ST3GAL6: variants seen among roughly 807,000 people sequenced by gnomAD.
ST3GAL6 encodes ST3 beta-galactoside alpha-2,3-sialyltransferase 6.
A neutral mutation model predicts 40.5 loss-of-function variants in ST3GAL6; 31 were observed. That is an observed-to-expected ratio of 0.77 (90% CI 0.58 to 1.03). ST3GAL6 has a LOEUF of 1.03. Among genes scored for constraint, ST3GAL6 ranks in the 50% least tolerant of loss-of-function variants. The pLI is 0.00. For synonymous variants in ST3GAL6, 129 were observed against 136.9 expected, an observed-to-expected ratio of 0.94 and a Z score of 0.40; for missense variants, 357 against 393.2, an observed-to-expected ratio of 0.91 and a Z score of 0.78.
intron 1 of ST3GAL6, among the ~76,000 whole-genome samples, chr3:98,753,795 C>T (rs1295161547): frequency 6.6e-6 from 1 of 152,194 alleles, no homozygotes; most frequent in Non-Finnish European, 1.5e-5. Context: ...GAGAACCCAT[C>T]TATTAAAAAA....
Position 98,795,285 on chromosome 3 carries a change from C to T in ST3GAL6, c.*1524C>T, listed in dbSNP as rs1269857618. ...GCTTGATTACTGACAACCAACCTGC[C>T]TCTCTAAAGAGGGTGTATAAAGGGT... On this transcript the variant is annotated 3_prime_UTR_variant, in exon 10 of 10. Transcript: ENST00000483910. 2 of 152,186 alleles carry T rather than the reference C, an allele frequency of 1.3e-5. No homozygotes were observed. The highest frequency in any genetic ancestry group is 2.4e-5 in the African/African-American group (1 of 41,430). The allele number at this position is 152,186 out of a possible 1,614,324, so 9.4% of individuals were successfully genotyped here. A position where few individuals can be genotyped will look rare whatever the true frequency, so the allele number is the denominator to read the frequency against.
intron 1 of ST3GAL6, among the ~76,000 whole-genome samples, chr3:98,735,229 G>C (rs1025276396): frequency 6.6e-6 from 1 of 152,140 alleles, no homozygotes; most frequent in Non-Finnish European, 1.5e-5. Context: ...TCACATAAAG[G>C]TTTGACTCTA....
chr3:98,776,895 T>C (rs1939603212), intron 5 of ST3GAL6, among the ~76,000 whole-genome samples: 1 of 152,240 alleles, frequency 6.6e-6, no homozygotes, highest in Non-Finnish European at 1.5e-5. Flanking sequence ...TCAGTTGGGA[T>C]AGATTCCACT....
At chr3:98,744,596 T>A (rs1033443479) in intron 1 of ST3GAL6, among the ~76,000 whole-genome samples, 5 of 152,236 alleles carry the variant, frequency 3.3e-5, no homozygotes, top group African/African-American at 1.2e-4. Context: ...GTTTGCTTCC[T>A]GACATGCTCC....
At chr3:98,764,748 ACTT>A (rs1938151177) in intron 1 of ST3GAL6, among the ~76,000 whole-genome samples, 1 of 152,178 alleles carries the variant, frequency 6.6e-6, no homozygotes, top group African/African-American at 2.4e-5. Flanking sequence ...TAAGTCTACC[ACTT>A]CTTTTGCAAG....
chr3:98,743,559 T>C (rs1385202433), intron 1 of ST3GAL6, among the ~76,000 whole-genome samples: 2 of 152,152 alleles, frequency 1.3e-5, no homozygotes, highest in African/African-American at 4.8e-5. Flanking sequence ...TGTAAAGTTT[T>C]TATGGAAATA....
At chr3:98,780,019 G>A (rs556876538) in intron 5 of ST3GAL6, among the ~76,000 whole-genome samples, 7 of 152,300 alleles carry the variant, frequency 4.6e-5, no homozygotes, top group African/African-American at 1.7e-4. Context: ...AATTAAATAT[G>A]TGAAGTTTTA....
chr3:98,775,005 T>C (rs183570620), intron 5 of ST3GAL6, among the ~76,000 whole-genome samples: 1 of 152,330 alleles, frequency 6.6e-6, no homozygotes, highest in Non-Finnish European at 1.5e-5. Context: ...TAGCTCTGAT[T>C]TGTAGAATAT....
intron 5 of ST3GAL6, among the ~76,000 whole-genome samples, chr3:98,777,811 G>A (rs996758903): frequency 1.3e-5 from 2 of 152,130 alleles, no homozygotes; most frequent in African/African-American, 4.8e-5. Context: ...CCAACATAAG[G>A]TGACTAAGTT....
intron 1 of ST3GAL6, among the ~76,000 whole-genome samples, chr3:98,737,223 AT>A (rs946157035): frequency 6.6e-6 from 1 of 151,540 alleles, no homozygotes; most frequent in Non-Finnish European, 1.5e-5. Flanking sequence ...TATTTTCTGT[AT>A]TTTTTTTGTA....
rs192204560 is a variant in ST3GAL6 at position 98,785,379 on chromosome 3, A to G, written c.431+339A>G. ...GCCATACATAATTTAAAAAGGATAT[A>G]ACAGAGAATCTTTGAATGGCTCCTT... On this transcript the variant is annotated intron_variant, in intron 6 of 9. Transcript: ENST00000483910. Among the ~76,000 whole-genome samples the G allele has an allele frequency of 3.3e-5, 5 of 152,342 alleles. No homozygotes were observed. In the East Asian group the frequency reaches 7.7e-4, roughly 23 times the overall value.
chr3:98,781,784 A>G (rs1576116134), intron 5 of ST3GAL6, among the ~76,000 whole-genome samples: 1 of 152,210 alleles, frequency 6.6e-6, no homozygotes, highest in Non-Finnish European at 1.5e-5. Flanking sequence ...GATACCATCT[A>G]TAGATATTCC....
chr3:98,736,583 G>C lies in ST3GAL6; in HGVS notation c.-12+4051G>C, dbSNP rs115600844. 4.3e-3 allele frequency among the ~76,000 whole-genome samples: 656 copies of C among 152,278 alleles called. 9 individuals are homozygous for C. The highest frequency in any genetic ancestry group is 0.015 in the African/African-American group (618 of 41,562). ...GAAAGATGGGGGCAACAAGGGAGCA[G>C]AAAGTGTTTTTTTCAGTGGACTTTG... On this transcript the variant is annotated intron_variant, in intron 1 of 9. Coordinates refer to the ST3GAL6 transcript ENST00000265261.
chr3:98,742,740 C>T (rs189813626), intron 1 of ST3GAL6, among the ~76,000 whole-genome samples: 22 of 150,256 alleles, frequency 1.5e-4, no homozygotes, highest in Admixed American at 3.3e-4. Flanking sequence ...CTCTTGTTGC[C>T]CAGGCAAGAG....
chr3:98,783,371 C>A, intron 5 of ST3GAL6: 1 of 167,904 alleles, frequency 6.0e-6, no homozygotes, highest in Non-Finnish European at 1.2e-5. Flanking sequence ...TTAACTGACT[C>A]ACACTGACTG....
chr3:98,733,647 A>T, intron 1 of ST3GAL6: 2 of 979,000 alleles, frequency 2.0e-6, no homozygotes, highest in Non-Finnish European at 2.4e-6. Context: ...GGGAGAAGCA[A>T]CTTGTCATTT....
intron 1 of ST3GAL6, among the ~76,000 whole-genome samples, chr3:98,767,664 C>G (rs1297257949): frequency 2.0e-5 from 3 of 152,086 alleles, no homozygotes; most frequent in Non-Finnish European, 4.4e-5. Flanking sequence ...TTCCTTTTTT[C>G]CTTTGAAGCA....
intron 2 of ST3GAL6, among the ~76,000 whole-genome samples, chr3:98,770,200 G>C (rs985057022): frequency 1.1e-4 from 17 of 152,124 alleles, no homozygotes; most frequent in African/African-American, 3.4e-4. Flanking sequence ...GTATTAAGCT[G>C]TTTTCCTCTT....
At chr3:98,765,843 T>TC (rs1938262593) in intron 1 of ST3GAL6, among the ~76,000 whole-genome samples, 1 of 152,240 alleles carries the variant, frequency 6.6e-6, no homozygotes, top group Non-Finnish European at 1.5e-5. Context: ...TCTTAAATTC[T>TC]GTTTTTTTCT....
Sources: allele counts gnomAD v4.1 joint callset (sites outside exome capture counted in the v4.1 genomes callset), GRCh38; gene constraint gnomAD v4.1.1; transcripts MANE v1.5; gene names NCBI Gene and HGNC (gene_info 2026-07-23, HGNC 2026-07-21).